Variants in BANK1 observed in about 807,000 individuals in gnomAD.
BANK1 encodes the protein B cell scaffold protein with ankyrin repeats 1.
In BANK1, 95 loss-of-function variants were observed where a neutral mutation model predicts 94.5. That is an observed-to-expected ratio of 1.00 (90% CI 0.85 to 1.19). The LOEUF (loss-of-function observed/expected upper bound fraction) is 1.19. Among genes scored for constraint, BANK1 ranks in the 50% most tolerant of loss-of-function variants. The probability of loss-of-function intolerance (pLI) is 0.00; values close to 1 mark genes in which losing one functional copy is unlikely to be tolerated. For synonymous variants in BANK1, 334 were observed against 308.4 expected (o/e 1.08, Z -0.87); for missense variants, 987 against 932.2 (o/e 1.06, Z -0.77).
At chr4:101,894,844 G>C in intron 5 of BANK1, among the ~76,000 whole-genome samples, 1 of 151,818 alleles carries the variant, frequency 6.6e-6, no homozygotes, top group Admixed American at 6.6e-5. Flanking sequence ...CCCTCACTTA[G>C]ACACAGCAAT....
chr4:102,020,887 G>GCACCA (rs1323796266), intron 7 of BANK1, among the ~76,000 whole-genome samples: 3 of 152,092 alleles, frequency 2.0e-5, no homozygotes, highest in African/African-American at 7.2e-5. Context: ...GCACCAGTAT[G>GCACCA]CACCACAACT....
intron 6 of BANK1, among the ~76,000 whole-genome samples, chr4:101,907,604 G>A (rs1722498362): frequency 6.6e-6 from 1 of 152,148 alleles, no homozygotes; most frequent in African/African-American, 2.4e-5. Context: ...AGGAAAAGAG[G>A]AAGTCAAATT....
At chr4:102,013,640 G>A (rs898187670) in intron 7 of BANK1, among the ~76,000 whole-genome samples, 6 of 151,772 alleles carry the variant, frequency 4.0e-5, no homozygotes, top group African/African-American at 9.7e-5. Flanking sequence ...GTGATTTCTC[G>A]CACCTGAAAA....
intron 7 of BANK1, among the ~76,000 whole-genome samples, chr4:101,966,007 A>G (rs994663510): frequency 2.0e-5 from 3 of 152,104 alleles, no homozygotes; most frequent in Non-Finnish European, 4.4e-5. Flanking sequence ...TCAACATAAA[A>G]TGCCATGAGA....
At position 101,841,101 on chromosome 4, in the gene BANK1, C is replaced by T. The variant is rs904468324; in HGVS notation, c.469+10895C>T. 8.5e-5 allele frequency among the ~76,000 whole-genome samples: 13 copies of T among 152,180 alleles called. No individual in the cohort carries two copies. The South Asian group carries it at 2.1e-3, about 24-fold the overall frequency. On this transcript the variant is annotated intron_variant, in intron 2 of 16. Coordinates refer to ENST00000322953, the MANE Select transcript of BANK1 (RefSeq NM_017935.5). ...TCAACCTCCCAAAGTGCTGGGATTG[C>T]GGTCATGAGCCACCGTGCCCAGCCT...
At chr4:101,866,422 A>T (rs1427960747) in intron 4 of BANK1, among the ~76,000 whole-genome samples, 1 of 152,156 alleles carries the variant, frequency 6.6e-6, no homozygotes, top group Non-Finnish European at 1.5e-5. Flanking sequence ...ATACAAGAAG[A>T]ATGACAAAAT....
chr4:101,842,558 A>T (rs750282773), intron 2 of BANK1, among the ~76,000 whole-genome samples: 1 of 152,210 alleles, frequency 6.6e-6, no homozygotes, highest in Non-Finnish European at 1.5e-5. Context: ...ATTTCAAATA[A>T]CTATACTCTT....
At chr4:101,836,702 A>T (rs904845648) in intron 2 of BANK1, among the ~76,000 whole-genome samples, 1 of 152,180 alleles carries the variant, frequency 6.6e-6, no homozygotes. Context: ...CAATCTAATC[A>T]TGAGGAAATA....
At chr4:101,876,755 G>T (rs1728504653) in intron 5 of BANK1, among the ~76,000 whole-genome samples, 2 of 152,140 alleles carry the variant, frequency 1.3e-5, no homozygotes, top group Non-Finnish European at 1.5e-5. Flanking sequence ...ACCTTTCAAA[G>T]AACTCAAAAT....
chr4:102,067,918 T>G (rs931797730), intron 13 of BANK1, among the ~76,000 whole-genome samples: 1 of 152,090 alleles, frequency 6.6e-6, no homozygotes, highest in Non-Finnish European at 1.5e-5. Context: ...TTTCAGTAAA[T>G]TTCTAAAGAC....
chr4:101,953,541 T>C (rs1426958841), intron 7 of BANK1, among the ~76,000 whole-genome samples: 1 of 143,798 alleles, frequency 7.0e-6, no homozygotes, highest in Non-Finnish European at 1.5e-5. Context: ...ATCTATTTAG[T>C]AAAAAAAAAA....
chr4:101,791,421 T>G (rs1421567728), intron 1 of BANK1, among the ~76,000 whole-genome samples: 1 of 152,206 alleles, frequency 6.6e-6, no homozygotes, highest in African/African-American at 2.4e-5. Flanking sequence ...TAGCCCTGCT[T>G]CTTGGCAGGT....
chr4:102,063,194 A>T (rs1728482598), intron 13 of BANK1, 56 bp downstream of exon 13: 2 of 1,499,352 alleles, frequency 1.3e-6, no homozygotes, highest in East Asian at 4.5e-5. Context: ...TTGAAAATTC[A>T]AGGACTGTGG....
At position 101,790,871 on chromosome 4, in the gene BANK1, A is replaced by T. The variant is rs6858438; in HGVS notation, c.-10A>T. ...AGCAGTGCGCAGGCCCCTCGGCTTC[A>T]ACCGCCACAATGCTGCCAGCAGCGC... On this transcript the variant is annotated 5_prime_UTR_variant, in exon 1 of 17. Transcript: ENST00000322953. 5.5e-5 allele frequency: 85 copies of T among 1,537,094 alleles called. No homozygotes were observed. In the African/African-American group the frequency reaches 1.1e-3, roughly 20 times the overall value.
chr4:101,791,374 C>A (rs976598745), intron 1 of BANK1, among the ~76,000 whole-genome samples: 2 of 152,214 alleles, frequency 1.3e-5, no homozygotes, highest in Admixed American at 1.3e-4. Flanking sequence ...CACGCATTTA[C>A]CTGCCCGGCC....
intron 9 of BANK1, among the ~76,000 whole-genome samples, chr4:102,029,596 A>G (rs1227928437): frequency 6.7e-6 from 1 of 148,236 alleles, no homozygotes; most frequent in African/African-American, 2.4e-5. Flanking sequence ...TATATATGAA[A>G]TAATATATAA....
intron 7 of BANK1, among the ~76,000 whole-genome samples, chr4:101,991,625 G>A (rs1463757318): frequency 6.6e-6 from 1 of 152,172 alleles, no homozygotes; most frequent in Non-Finnish European, 1.5e-5. Context: ...TTGTGGAACT[G>A]TATCTAATTC....
intron 1 of BANK1, among the ~76,000 whole-genome samples, chr4:101,820,343 C>A (rs1726093948): frequency 6.6e-6 from 1 of 152,156 alleles, no homozygotes; most frequent in Non-Finnish European, 1.5e-5. Flanking sequence ...TCTCCCTTCC[C>A]TTGTGGGATC....
chr4:102,041,218 CAA>C (rs1727692545), intron 10 of BANK1, among the ~76,000 whole-genome samples: 1 of 151,882 alleles, frequency 6.6e-6, no homozygotes, highest in Admixed American at 6.6e-5. Flanking sequence ...TCTTTTAGAA[CAA>C]AGGTTTTGCT....
Sources: allele counts gnomAD v4.1 joint callset (sites outside exome capture counted in the v4.1 genomes callset), GRCh38; gene constraint gnomAD v4.1.1; transcripts MANE v1.5; gene names NCBI Gene and HGNC (gene_info 2026-07-23, HGNC 2026-07-21).